RAB28: variants seen among roughly 807,000 people sequenced by gnomAD.
The protein encoded by RAB28 is ras-related protein Rab-28.
In RAB28, 24 loss-of-function variants were observed where a neutral mutation model predicts 31.7. The ratio of observed to expected loss-of-function variants is 0.76; its 90% confidence interval spans 0.55 to 1.06. The LOEUF (loss-of-function observed/expected upper bound fraction) is 1.06, where lower values mean the gene tolerates loss of function less well. Ranked by LOEUF, RAB28 falls within the 50% of genes least tolerant of loss-of-function variation. The pLI is 0.00. For missense variants in RAB28, 254 were observed against 258.5 expected (o/e 0.98, Z 0.12); for synonymous variants, 100 against 90.4 (o/e 1.11, Z -0.60).
Position 13,484,097 on chromosome 4 carries a change from C to CG in RAB28, c.53_54insC (p.Asp20GlyfsTer62), listed in dbSNP as rs1232968072. On this transcript the variant is annotated frameshift_variant, in exon 1 of 7. Transcript: ENST00000330852. LOFTEE classifies it high-confidence loss of function. ...TGACCTTCCCGGAGGCGCCGTCCCC[C>CG]AGCACGACGATTTTCAGTTGCCGGT... The CG allele has an allele frequency of 1.2e-6, 2 of 1,602,254 alleles. No homozygotes were observed. The highest frequency in any genetic ancestry group is 1.7e-6 in the Non-Finnish European group (2 of 1,174,872).
chr4:13,414,407 G>T (rs1330009767), intron 4 of RAB28, among the ~76,000 whole-genome samples: 3 of 152,002 alleles, frequency 2.0e-5, no homozygotes, highest in Non-Finnish European at 2.9e-5. Context: ...AAACTGACTG[G>T]GAATAAAAGA....
intron 6 of RAB28, among the ~76,000 whole-genome samples, chr4:13,369,201 C>T (rs1251201551): frequency 6.6e-6 from 1 of 152,038 alleles, no homozygotes; most frequent in Non-Finnish European, 1.5e-5. Context: ...AACTTCTAAA[C>T]CTTTCCTCCA....
intron 4 of RAB28, among the ~76,000 whole-genome samples, chr4:13,403,607 C>T (rs1711906640): frequency 6.6e-6 from 1 of 152,142 alleles, no homozygotes; most frequent in Non-Finnish European, 1.5e-5. Flanking sequence ...CTGCATATTG[C>T]TTAAGATTCT....
At chr4:13,426,519 T>TA (rs1207866864) in intron 4 of RAB28, among the ~76,000 whole-genome samples, 1 of 152,210 alleles carries the variant, frequency 6.6e-6, no homozygotes, top group Non-Finnish European at 1.5e-5. Context: ...GATTCATATT[T>TA]AATATCCCAC....
intron 4 of RAB28, among the ~76,000 whole-genome samples, chr4:13,385,207 G>A (rs941633593): frequency 6.6e-6 from 1 of 152,148 alleles, no homozygotes; most frequent in Non-Finnish European, 1.5e-5. Flanking sequence ...ATTACATAAA[G>A]AGAACAAATC....
intron 6 of RAB28, chr4:13,370,822 T>C: frequency 1.0e-6 from 1 of 969,868 alleles, no homozygotes; most frequent in Non-Finnish European, 1.2e-6. Flanking sequence ...TAACTGTTGC[T>C]TTCAAATATC....
intron 4 of RAB28, among the ~76,000 whole-genome samples, chr4:13,448,169 C>T (rs1714790337): frequency 1.3e-5 from 2 of 152,014 alleles, no homozygotes; most frequent in Non-Finnish European, 2.9e-5. Flanking sequence ...ACTGCAAATA[C>T]AGACTAAAAT....
chr4:13,466,063 A>C (rs116510283), intron 3 of RAB28, among the ~76,000 whole-genome samples: 1 of 151,986 alleles, frequency 6.6e-6, no homozygotes, highest in South Asian at 2.1e-4. Flanking sequence ...ATATACAAAA[A>C]CCAACTCGAA....
chr4:13,458,265 C>G (rs1025346701), intron 4 of RAB28, among the ~76,000 whole-genome samples: 1 of 151,718 alleles, frequency 6.6e-6, no homozygotes, highest in African/African-American at 2.4e-5. Context: ...TTTTTAACTC[C>G]TCAGAGAAAT....
intron 4 of RAB28, among the ~76,000 whole-genome samples, chr4:13,434,840 G>A (rs1029477393): frequency 4.6e-5 from 7 of 151,796 alleles, no homozygotes; most frequent in Admixed American, 4.6e-4. Context: ...CATATATGGT[G>A]AAACCCTGTC....
chr4:13,468,082 G>A (rs925323935), intron 3 of RAB28, among the ~76,000 whole-genome samples: 1 of 151,854 alleles, frequency 6.6e-6, no homozygotes, highest in Non-Finnish European at 1.5e-5. Context: ...CTCTATATAT[G>A]CACCTAATAA....
chr4:13,380,343 T>G (rs1052484336), intron 5 of RAB28, among the ~76,000 whole-genome samples: 1 of 152,098 alleles, frequency 6.6e-6, no homozygotes, highest in South Asian at 2.1e-4. Context: ...CTTCTTTTAG[T>G]TGAAAAATGT....
At chr4:13,382,687 T>C in intron 4 of RAB28, among the ~76,000 whole-genome samples, 1 of 140,426 alleles carries the variant, frequency 7.1e-6, no homozygotes, top group South Asian at 2.3e-4. Flanking sequence ...CCTTGGAAAA[T>C]ATGGAATTTT....
At chr4:13,427,640 T>C (rs781587766) in intron 4 of RAB28, among the ~76,000 whole-genome samples, 16 of 152,170 alleles carry the variant, frequency 1.1e-4, no homozygotes, top group South Asian at 2.1e-4. Flanking sequence ...GTATATTTTT[T>C]ACTACTAAGC....
intron 4 of RAB28, among the ~76,000 whole-genome samples, chr4:13,408,819 A>G (rs1478378839): frequency 1.3e-5 from 2 of 152,198 alleles, no homozygotes; most frequent in Admixed American, 1.3e-4. Context: ...TTACAAAATA[A>G]TTAAAGAATA....
chr4:13,383,719 A>G (rs1223312823), intron 4 of RAB28, among the ~76,000 whole-genome samples: 1 of 152,182 alleles, frequency 6.6e-6, no homozygotes, highest in Non-Finnish European at 1.5e-5. Context: ...ATGATAGTAA[A>G]TAAGTTCTCA....
intron 4 of RAB28, among the ~76,000 whole-genome samples, chr4:13,414,837 T>C (rs1408976771): frequency 6.6e-6 from 1 of 152,228 alleles, no homozygotes; most frequent in Non-Finnish European, 1.5e-5. Flanking sequence ...ACATCATATA[T>C]GCCTTCATTA....
At position 13,473,285 on chromosome 4, in the gene RAB28, A is replaced by C. The variant is rs1484737524; in HGVS notation, c.261+1033T>G. 3.9e-5 allele frequency among the ~76,000 whole-genome samples: 6 copies of C among 152,114 alleles called. No homozygotes were observed. The South Asian group carries it at 1.0e-3, about 26-fold the overall frequency. On this transcript the variant is annotated intron_variant, in intron 3 of 6. Coordinates refer to ENST00000330852, the MANE Select transcript of RAB28 (RefSeq NM_001017979.3). ...TAACCAAGTTGTATTTGTCTCACTT[A>C]AAATACCAAACTCCAATAAAGAACT... is the stretch of plus-strand genomic sequence containing the variant.
intron 4 of RAB28, among the ~76,000 whole-genome samples, chr4:13,434,773 C>G (rs1713998233): frequency 6.6e-6 from 1 of 152,100 alleles, no homozygotes; most frequent in South Asian, 2.1e-4. Context: ...AATCCCAGCA[C>G]TTTGCGAGGC....
Sources: allele counts gnomAD v4.1 joint callset (sites outside exome capture counted in the v4.1 genomes callset), GRCh38; gene constraint gnomAD v4.1.1; transcripts MANE v1.5; gene names NCBI Gene and HGNC (gene_info 2026-07-23, HGNC 2026-07-21).